COL28A1: variants seen among roughly 807,000 people sequenced by gnomAD.
COL28A1 encodes collagen type XXVIII alpha 1 chain.
In COL28A1, 161 loss-of-function variants were observed where a neutral mutation model predicts 150.2. The observed-to-expected ratio is 1.07, with a 90% confidence interval of 0.94 to 1.22. The LOEUF (loss-of-function observed/expected upper bound fraction) is 1.22, where lower values mean the gene tolerates loss of function less well. Among genes scored for constraint, COL28A1 ranks in the 50% most tolerant of loss-of-function variants. The pLI, the probability that COL28A1 is intolerant of heterozygous loss-of-function variation, is 0.00. For missense variants in COL28A1, 1,617 were observed against 1,388.3 expected (o/e 1.16, Z -2.62); for synonymous variants, 552 against 469.7 (o/e 1.18, Z -2.26).
intron 1 of COL28A1, among the ~76,000 whole-genome samples, chr7:7,533,391 T>C (rs1339715098): frequency 6.6e-6 from 1 of 152,056 alleles, no homozygotes; most frequent in African/African-American, 2.4e-5. Context: ...TCAGGCTTAA[T>C]ACTACACACA....
At chr7:7,537,275 C>G (rs1190755111), upstream of COL28A1, among the ~76,000 whole-genome samples, 1 of 152,124 alleles carries the variant, frequency 6.6e-6, no homozygotes, top group African/African-American at 2.4e-5. Context: ...CAGACAGGCA[C>G]CATGTAGACA....
chr7:7,358,435 C>T lies in COL28A1; in HGVS notation c.*198G>A, dbSNP rs1780445342. ...GGGTGACAGTTGACAAGTTACTAAA[C>T]TTCTCAGAGCCTCAGCTTTCTTACC... On this transcript the variant is annotated 3_prime_UTR_variant, in exon 35 of 35. Coordinates refer to ENST00000399429, the MANE Select transcript of COL28A1 (RefSeq NM_001037763.3). The T allele has an allele frequency of 2.1e-6, 1 of 470,638 alleles. No individual in the cohort carries two copies. The highest frequency in any genetic ancestry group is 3.6e-6 in the Non-Finnish European group (1 of 274,204). The allele number at this position is 470,638 out of a possible 1,614,324, so 29.2% of individuals were successfully genotyped here. A position where few individuals can be genotyped will look rare whatever the true frequency, so the allele number is the denominator to read the frequency against.
rs149481525 is a variant in COL28A1, at chr7:7,458,956, A to G, written c.1303-2844T>C. Reference sequence around the variant, plus strand: ...TACAACTTTGTTTTGTACCATTTACATACATTTGAGAGGCCTTATCAGAGG... The same window carrying G: ...TACAACTTTGTTTTGTACCATTTACGTACATTTGAGAGGCCTTATCAGAGG... On this transcript the variant is annotated intron_variant, in intron 15 of 34. Coordinates refer to ENST00000399429, the MANE Select transcript of COL28A1 (RefSeq NM_001037763.3). Among the ~76,000 whole-genome samples, 709 of 152,346 alleles carry G rather than the reference A, an allele frequency of 4.7e-3. 5 individuals are homozygous for G. Among genetic ancestry groups the G allele is most frequent in the East Asian group, 0.022 (115 of 5,192 alleles).
intron 7 of COL28A1, among the ~76,000 whole-genome samples, chr7:7,517,130 C>G (rs1276094579): frequency 6.6e-6 from 1 of 152,022 alleles, no homozygotes; most frequent in African/African-American, 2.4e-5. Context: ...ACTAAACTTT[C>G]TATCAGATTT....
chr7:7,467,794 T>C (rs1293985788), intron 15 of COL28A1, among the ~76,000 whole-genome samples: 2 of 128,958 alleles, frequency 1.6e-5, no homozygotes, highest in Non-Finnish European at 3.2e-5. Context: ...GAACTCAGGA[T>C]TAAAAATCTC....
At chr7:7,421,106 T>G (rs1232941955) in intron 25 of COL28A1, among the ~76,000 whole-genome samples, 1 of 152,156 alleles carries the variant, frequency 6.6e-6, no homozygotes. Flanking sequence ...CATCAACTGG[T>G]GAATGGACAA....
chr7:7,450,484 G>A (rs1284215812), intron 18 of COL28A1, among the ~76,000 whole-genome samples: 1 of 152,156 alleles, frequency 6.6e-6, no homozygotes, highest in African/African-American at 2.4e-5. Context: ...GAAGATATTT[G>A]CAGTTTGTAT....
At position 7,517,832 on chromosome 7, in the gene COL28A1, G is replaced by A. The variant is rs189957039; in HGVS notation, c.819C>T (p.Asn273=). Residue 273 remains asparagine, a synonymous_variant, in exon 7 of 35, where the codon AAC becomes AAT. Transcript: ENST00000399429. ...GERGPKGNPG[N]AQKGEAGERG... ...TTTCTCCAGCTTCTCCTTTTTGAGC[G>A]TTGCCCTGTGACAAACAAAAAACAG... 1.5e-4 allele frequency: 237 copies of A among 1,613,612 alleles called. 1 individual carries two copies. In the African/African-American group the frequency reaches 1.7e-3, roughly 12 times the overall value.
chr7:7,542,282 G>T, the COL28A1 span, among the ~76,000 whole-genome samples: 1 of 152,188 alleles, frequency 6.6e-6, no homozygotes, highest in African/African-American at 2.4e-5. Flanking sequence ...AGTGCGCTGA[G>T]ATGGCACCAC....
At chr7:7,534,061 CT>C (rs1437450259) in intron 1 of COL28A1, among the ~76,000 whole-genome samples, 1 of 152,110 alleles carries the variant, frequency 6.6e-6, no homozygotes, top group Non-Finnish European at 1.5e-5. Flanking sequence ...TGGAGACTGA[CT>C]TTTTTCATAC....
Position 7,530,586 on chromosome 7 carries a change from G to A in COL28A1, c.681+762C>T, listed in dbSNP as rs576635191. ...CCAATCAACCAATTTATCTCTAGGC[G>A]TTTTCTCCTTGAGAAATATTGTGAA... is the stretch of plus-strand genomic sequence containing the variant. On this transcript the variant is annotated intron_variant, in intron 3 of 34. Transcript: ENST00000399429. 9.2e-5 allele frequency among the ~76,000 whole-genome samples: 14 copies of A among 152,200 alleles called. No homozygotes were observed. The South Asian group carries it at 1.9e-3, about 20-fold the overall frequency.
At chr7:7,485,309 C>A (rs555437638) in intron 13 of COL28A1, among the ~76,000 whole-genome samples, 3 of 152,042 alleles carry the variant, frequency 2.0e-5, no homozygotes, top group African/African-American at 4.8e-5. Context: ...ATTTCTAATT[C>A]GATTTTTATT....
intron 32 of COL28A1, among the ~76,000 whole-genome samples, chr7:7,371,627 G>T (rs1781226188): frequency 1.3e-5 from 2 of 152,158 alleles, no homozygotes; most frequent in South Asian, 2.1e-4. Flanking sequence ...AACTTGCCAG[G>T]TACAGGCCTG....
At chr7:7,462,761 T>C (rs1340412219) in intron 15 of COL28A1, among the ~76,000 whole-genome samples, 1 of 151,466 alleles carries the variant, frequency 6.6e-6, no homozygotes, top group Admixed American at 6.6e-5. Flanking sequence ...GGGGATGCTG[T>C]GGCAGGATAA....
the COL28A1 span, among the ~76,000 whole-genome samples, chr7:7,347,690 TTATA>T: frequency 1.3e-5 from 2 of 152,090 alleles, no homozygotes; most frequent in African/African-American, 4.8e-5. Context: ...TAACTAAATC[TTATA>T]TAGTCTGTAG....
chr7:7,476,896 A>T (rs1175095335), intron 14 of COL28A1, among the ~76,000 whole-genome samples: 6 of 152,252 alleles, frequency 3.9e-5, no homozygotes, highest in Admixed American at 3.9e-4. Context: ...TGTAGTAATT[A>T]CATGAAGTAG....
At chr7:7,479,611 A>T (rs1161122535) in intron 13 of COL28A1, among the ~76,000 whole-genome samples, 1 of 152,226 alleles carries the variant, frequency 6.6e-6, no homozygotes, top group African/African-American at 2.4e-5. Flanking sequence ...TTGAACCCAC[A>T]GGCAGTTTTA....
At chr7:7,453,005 T>C (rs1562701043) in intron 17 of COL28A1, among the ~76,000 whole-genome samples, 4 of 152,238 alleles carry the variant, frequency 2.6e-5, no homozygotes, top group Non-Finnish European at 1.5e-5. Context: ...ATCTATGAGA[T>C]AGTTTGATTC....
rs533883804 is a variant in COL28A1, at chr7:7,379,527, T to C, written c.2322+1133A>G. Among the ~76,000 whole-genome samples, 3 of 152,246 alleles carry C rather than the reference T, an allele frequency of 2.0e-5. No individual in the cohort carries two copies. In the South Asian group the frequency reaches 6.2e-4, roughly 32 times the overall value. On this transcript the variant is annotated intron_variant, in intron 30 of 34. Coordinates refer to ENST00000399429, the MANE Select transcript of COL28A1 (RefSeq NM_001037763.3). ...CCGTAGGTGAACATCTTTGTTGTCT[T>C]TCTCTCCACCAGGCTGTGAGCTCTC...
Sources: gnomAD v4.1 joint callset for allele counts (sites outside exome capture counted in the v4.1 genomes callset) on GRCh38, gnomAD v4.1.1 for gene constraint, MANE v1.5 for transcripts, NCBI Gene and HGNC (gene_info 2026-07-23, HGNC 2026-07-21) for gene names.